DPP6: variants seen among roughly 807,000 people sequenced by gnomAD.
The protein encoded by DPP6 is dipeptidyl peptidase like 6.
In DPP6, 69 loss-of-function variants were observed where a neutral mutation model predicts 122.6. The observed-to-expected ratio is 0.56, with a 90% CI of 0.46 to 0.69. The LOEUF (loss-of-function observed/expected upper bound fraction) is 0.69. Among genes scored for constraint, DPP6 ranks in the 30% least tolerant of loss-of-function variants. DPP6 has a pLI of 0.00. For missense variants in DPP6, 928 were observed against 1,116.9 expected (o/e 0.83, Z 2.41); for synonymous variants, 418 against 433.1 (o/e 0.97, Z 0.43).
the DPP6 span, among the ~76,000 whole-genome samples, chr7:153,752,333 T>C: frequency 6.8e-6 from 1 of 147,948 alleles, no homozygotes; most frequent in African/African-American, 2.5e-5. Flanking sequence ...CACTGCATCC[T>C]CCACCTCCCA....
the DPP6 span, among the ~76,000 whole-genome samples, chr7:153,861,502 G>A: frequency 6.6e-6 from 1 of 152,186 alleles, no homozygotes; most frequent in African/African-American, 2.4e-5. Flanking sequence ...ATGATGAAGG[G>A]TAAATAGGAG....
intron 1 of DPP6, among the ~76,000 whole-genome samples, chr7:154,162,727 C>T (rs1426309665): frequency 2.0e-5 from 3 of 151,854 alleles, no homozygotes; most frequent in Admixed American, 6.6e-5. Context: ...GCATTGCTAA[C>T]ACTGAGTGGA....
At chr7:154,489,608 G>A (rs1376152761) in intron 3 of DPP6, among the ~76,000 whole-genome samples, 1 of 152,030 alleles carries the variant, frequency 6.6e-6, no homozygotes, top group Non-Finnish European at 1.5e-5. Flanking sequence ...TGCTTCTGCC[G>A]AGTGCTCCCT....
intron 1 of DPP6, among the ~76,000 whole-genome samples, chr7:154,432,360 T>C (rs1818496843): frequency 6.6e-6 from 1 of 152,206 alleles, no homozygotes; most frequent in Non-Finnish European, 1.5e-5. Flanking sequence ...TATTTAATAA[T>C]AATAGTCACA....
intron 1 of DPP6, among the ~76,000 whole-genome samples, chr7:154,272,775 G>A (rs1376980909): frequency 6.6e-6 from 1 of 152,160 alleles, no homozygotes; most frequent in Non-Finnish European, 1.5e-5. Context: ...CTGACTCCCA[G>A]CCCAGAGGAT....
intron 8 of DPP6, among the ~76,000 whole-genome samples, chr7:154,762,149 A>G (rs1405098487): frequency 6.6e-6 from 1 of 152,220 alleles, no homozygotes; most frequent in Non-Finnish European, 1.5e-5. Flanking sequence ...ATGACAATTC[A>G]ACATGAGATT....
At chr7:153,758,838 G>C in the DPP6 span, among the ~76,000 whole-genome samples, 2 of 151,304 alleles carry the variant, frequency 1.3e-5, no homozygotes, top group Non-Finnish European at 2.9e-5. Flanking sequence ...AAACATTTAT[G>C]TACAAGTTTT....
chr7:154,425,351 G>C lies in DPP6; in HGVS notation c.244-20863G>C, dbSNP rs1480927006. 1.3e-5 allele frequency among the ~76,000 whole-genome samples: 2 copies of C among 152,094 alleles called. 1 individual carries two copies. Among genetic ancestry groups the C allele is most frequent in the East Asian group, 3.9e-4 (2 of 5,182 alleles). On this transcript the variant is annotated intron_variant, in intron 1 of 25. Coordinates refer to ENST00000377770, the MANE Select transcript of DPP6 (RefSeq NM_130797.4). Reference sequence around the variant, plus strand: ...ACCAGTAAAATTAGCTGTAAATATCGAAGCATAACTAAGGTTTAGTGTCTT... The same window carrying C: ...ACCAGTAAAATTAGCTGTAAATATCCAAGCATAACTAAGGTTTAGTGTCTT...
intron 1 of DPP6, among the ~76,000 whole-genome samples, chr7:154,137,660 G>GGGT (rs1795637025): frequency 8.4e-6 from 1 of 119,210 alleles, no homozygotes; most frequent in Non-Finnish European, 1.8e-5. Context: ...TGGGGGGGTG[G>GGGT]GGGGGGTGGG....
intron 3 of DPP6, among the ~76,000 whole-genome samples, chr7:154,501,133 A>G (rs1052183562): frequency 2.0e-5 from 3 of 152,194 alleles, no homozygotes; most frequent in African/African-American, 4.8e-5. Flanking sequence ...ATCTGCTTGA[A>G]GAGATTTCTA....
chr7:153,763,699 G>A, the DPP6 span, among the ~76,000 whole-genome samples: 1 of 152,176 alleles, frequency 6.6e-6, no homozygotes, highest in Non-Finnish European at 1.5e-5. Context: ...GCGTTTTGTG[G>A]CAATTGGAGT....
At chr7:154,107,966 C>A (rs953596396) in intron 1 of DPP6, among the ~76,000 whole-genome samples, 1 of 152,162 alleles carries the variant, frequency 6.6e-6, no homozygotes, top group African/African-American at 2.4e-5. Flanking sequence ...CTTCAATTTT[C>A]GTTGCTTTGA....
intron 1 of DPP6, among the ~76,000 whole-genome samples, chr7:153,912,696 T>C (rs1046044194): frequency 5.3e-5 from 8 of 152,170 alleles, no homozygotes; most frequent in South Asian, 2.1e-4. Flanking sequence ...TTCAGTATTC[T>C]CTAAGGAGTT....
chr7:153,842,462 T>G, the DPP6 span, among the ~76,000 whole-genome samples: 1 of 152,076 alleles, frequency 6.6e-6, no homozygotes, highest in South Asian at 2.1e-4. Context: ...ATACAGGGTT[T>G]TTTTTATTTT....
intron 5 of DPP6, among the ~76,000 whole-genome samples, chr7:154,617,902 A>G (rs1464744099): frequency 2.6e-5 from 4 of 152,086 alleles, no homozygotes; most frequent in Non-Finnish European, 4.4e-5. Flanking sequence ...GCTTTTTTTC[A>G]TGGGAAAGAA....
In DPP6 at chr7:154,607,228, G is replaced by A. The variant is rs1056089342; in HGVS notation, c.628-30593G>A. Among the ~76,000 whole-genome samples the A allele has an allele frequency of 3.3e-5, 4 of 119,466 alleles. 2 individuals are homozygous for A. Among genetic ancestry groups the A allele is most frequent in the African/African-American group, 5.3e-5 (2 of 37,576 alleles). The allele number at this position is 119,466 out of a possible 152,430, so 78.4% of individuals were successfully genotyped here. A position where few individuals can be genotyped will look rare whatever the true frequency, so the allele number is the denominator to read the frequency against. ...ATATGAAGTGCCACTAGTAATGCTGGGAGTGTTCCCATGAAGCAGAGAAAG... is the reference window on the plus strand; with the variant it reads ...ATATGAAGTGCCACTAGTAATGCTGAGAGTGTTCCCATGAAGCAGAGAAAG... On this transcript the variant is annotated intron_variant, in intron 5 of 25. Coordinates refer to ENST00000377770, the MANE Select transcript of DPP6 (RefSeq NM_130797.4).
intron 5 of DPP6, among the ~76,000 whole-genome samples, chr7:154,631,798 G>A (rs1330090760): frequency 6.6e-6 from 1 of 152,206 alleles, no homozygotes; most frequent in Non-Finnish European, 1.5e-5. Flanking sequence ...GAAGTAATAG[G>A]GGAGAATGAG....
chr7:153,930,089 G>A (rs1801104042), intron 1 of DPP6, among the ~76,000 whole-genome samples: 2 of 152,128 alleles, frequency 1.3e-5, no homozygotes, highest in African/African-American at 2.4e-5. Context: ...TATTAGTCAC[G>A]TGCAAATGAG....
intron 3 of DPP6, among the ~76,000 whole-genome samples, chr7:154,536,493 G>A (rs1828265169): frequency 6.6e-6 from 1 of 152,182 alleles, no homozygotes; most frequent in Non-Finnish European, 1.5e-5. Context: ...AAGGTGTCCA[G>A]TTTCCTCCAA....
Sources: allele counts gnomAD v4.1 joint callset (sites outside exome capture counted in the v4.1 genomes callset), GRCh38; gene constraint gnomAD v4.1.1; transcripts MANE v1.5; gene names NCBI Gene and HGNC (gene_info 2026-07-23, HGNC 2026-07-21).